Variants in NRXN3 observed in about 807,000 individuals in gnomAD.
NRXN3 encodes neurexin III.
A neutral mutation model predicts 137.6 loss-of-function variants in NRXN3; 32 were observed. The ratio of observed to expected loss-of-function variants is 0.23; its 90% CI spans 0.18 to 0.31. The LOEUF is 0.31. Ranked by LOEUF, NRXN3 falls within the 10% of genes least tolerant of loss-of-function variation. The probability of loss-of-function intolerance (pLI) is 1.00; values close to 1 mark genes in which losing one functional copy is unlikely to be tolerated. For synonymous variants in NRXN3, 798 were observed against 784.5 expected, an observed-to-expected ratio of 1.02 and a Z score of -0.29; for missense variants, 1,574 against 2,062.5, an observed-to-expected ratio of 0.76 and a Z score of 4.59.
intron 4 of NRXN3, among the ~76,000 whole-genome samples, chr14:78,456,603 C>G (rs769381439): frequency 6.6e-6 from 1 of 151,954 alleles, no homozygotes; most frequent in Non-Finnish European, 1.5e-5. Flanking sequence ...TTTCTCTTAC[C>G]TTCTTATCAT....
intron 15 of NRXN3, among the ~76,000 whole-genome samples, chr14:79,340,160 GGT>G (rs10533702): frequency 0.75 from 109,870 of 146,596 alleles, 41,274 homozygotes; most frequent in Middle Eastern, 0.85. Context: ...TGAATTTAAG[GGT>G]GTGTGTGTGT....
intron 4 of NRXN3, among the ~76,000 whole-genome samples, chr14:78,530,144 C>T (rs1398740775): frequency 1.3e-5 from 2 of 152,194 alleles, no homozygotes; most frequent in African/African-American, 2.4e-5. Flanking sequence ...AGAAAAAGCT[C>T]TGCCCTTTGC....
intron 15 of NRXN3, chr14:79,280,010 G>A (rs2080997212): frequency 1.7e-6 from 2 of 1,207,072 alleles, no homozygotes; most frequent in African/African-American, 3.1e-5. Context: ...TGGCATGCCG[G>A]GGCTCCGTAG....
At chr14:79,626,165 AGT>A (rs1358604945) in intron 16 of NRXN3, among the ~76,000 whole-genome samples, 1 of 152,044 alleles carries the variant, frequency 6.6e-6, no homozygotes, top group Non-Finnish European at 1.5e-5. Context: ...TGAATGTACA[AGT>A]GAGTGAATAA....
intron 4 of NRXN3, among the ~76,000 whole-genome samples, chr14:78,390,212 T>C (rs1242111043): frequency 6.6e-6 from 1 of 152,232 alleles, no homozygotes; most frequent in Non-Finnish European, 1.5e-5. Flanking sequence ...CCAGTAAGTA[T>C]CTAGAGCAGT....
chr14:79,680,448 T>A (rs1451166031), intron 17 of NRXN3, among the ~76,000 whole-genome samples: 1 of 151,628 alleles, frequency 6.6e-6, no homozygotes, highest in Non-Finnish European at 1.5e-5. Flanking sequence ...ACTGTTTGTG[T>A]GTGTGTGTGT....
At chr14:78,501,993 T>C (rs2095886485) in intron 4 of NRXN3, among the ~76,000 whole-genome samples, 1 of 152,046 alleles carries the variant, frequency 6.6e-6, no homozygotes. Context: ...AACAGAACTA[T>C]AACAGAACAC....
chr14:79,670,076 A>C (rs1156543857), intron 17 of NRXN3, among the ~76,000 whole-genome samples: 2 of 151,956 alleles, frequency 1.3e-5, no homozygotes, highest in Admixed American at 6.6e-5. Context: ...TTATGTACTT[A>C]TGTCCTAGGC....
chr14:78,865,277 G>A (rs1467652194), intron 10 of NRXN3, among the ~76,000 whole-genome samples: 1 of 152,144 alleles, frequency 6.6e-6, no homozygotes, highest in African/African-American at 2.4e-5. Flanking sequence ...GAAATATATT[G>A]TATTAACATT....
At chr14:78,681,140 T>A (rs992812631) in intron 6 of NRXN3, among the ~76,000 whole-genome samples, 2 of 152,190 alleles carry the variant, frequency 1.3e-5, no homozygotes, top group Admixed American at 1.3e-4. Flanking sequence ...TATGACACAG[T>A]CTTATGTGCT....
At chr14:78,625,690 G>A (rs1424735953) in intron 4 of NRXN3, among the ~76,000 whole-genome samples, 1 of 152,118 alleles carries the variant, frequency 6.6e-6, no homozygotes, top group Non-Finnish European at 1.5e-5. Context: ...AAGAAATGAT[G>A]CTCAACAATC....
intron 10 of NRXN3, among the ~76,000 whole-genome samples, chr14:78,829,602 T>A (rs2098976271): frequency 6.6e-6 from 1 of 152,038 alleles, no homozygotes; most frequent in Non-Finnish European, 1.5e-5. Flanking sequence ...GGGGAAAAAA[T>A]TATTTTATCC....
chr14:79,540,011 G>A (rs761301699), intron 16 of NRXN3, among the ~76,000 whole-genome samples: 4 of 152,250 alleles, frequency 2.6e-5, no homozygotes, highest in Non-Finnish European at 5.9e-5. Flanking sequence ...GAGTAGAGGG[G>A]AGTGAGAAGG....
chr14:78,530,191 A>G (rs1040184396), intron 4 of NRXN3, among the ~76,000 whole-genome samples: 1 of 152,194 alleles, frequency 6.6e-6, no homozygotes, highest in Non-Finnish European at 1.5e-5. Flanking sequence ...TCCAGACACC[A>G]GGGCTGTGAA....
At chr14:79,429,379 T>C (rs976305072) in intron 15 of NRXN3, among the ~76,000 whole-genome samples, 6 of 152,192 alleles carry the variant, frequency 3.9e-5, no homozygotes, top group Non-Finnish European at 8.8e-5. Flanking sequence ...CTGGAGTGAA[T>C]TTCTTTTTGA....
At chr14:79,508,393 T>TCTGA (rs1190282532) in intron 16 of NRXN3, among the ~76,000 whole-genome samples, 1 of 112,160 alleles carries the variant, frequency 8.9e-6, no homozygotes, top group African/African-American at 3.3e-5. Flanking sequence ...ATAACTGATT[T>TCTGA]TTTTTTTTTT....
At chr14:78,540,110 A>G (rs1413501198) in intron 4 of NRXN3, among the ~76,000 whole-genome samples, 1 of 152,184 alleles carries the variant, frequency 6.6e-6, no homozygotes, top group Non-Finnish European at 1.5e-5. Context: ...AGTTCTGTAG[A>G]TGTCTATTAG....
chr14:79,280,554 C>A (rs1472097081), intron 15 of NRXN3: 2 of 1,605,342 alleles, frequency 1.2e-6, no homozygotes, highest in African/African-American at 2.7e-5. Flanking sequence ...TCTCTCTGCT[C>A]TTTATCCTTT....
chr14:78,320,513 A>G (rs1412784165), intron 4 of NRXN3, among the ~76,000 whole-genome samples: 3 of 152,122 alleles, frequency 2.0e-5, no homozygotes, highest in African/African-American at 7.2e-5. Context: ...ACTCCAAATA[A>G]ACCCTTTACC....
Sources: gnomAD v4.1 joint callset for allele counts (sites outside exome capture counted in the v4.1 genomes callset) on GRCh38, gnomAD v4.1.1 for gene constraint, MANE v1.5 for transcripts, NCBI Gene and HGNC (gene_info 2026-07-23, HGNC 2026-07-21) for gene names.